CCDC30: variants seen among roughly 807,000 people sequenced by gnomAD.
The protein encoded by CCDC30 is coiled-coil domain-containing protein 30.
A neutral mutation model predicts 100.2 loss-of-function variants in CCDC30; 70 were observed. The observed-to-expected ratio is 0.70, with a 90% CI of 0.58 to 0.85. The LOEUF (loss-of-function observed/expected upper bound fraction) is 0.85, where lower values mean the gene tolerates loss of function less well. CCDC30 is among the 40% of genes least tolerant of loss of function. The pLI is 0.00. For missense variants in CCDC30, 652 were observed against 771.2 expected, an observed-to-expected ratio of 0.85 and a Z score of 1.83; for synonymous variants, 233 against 269.5, an observed-to-expected ratio of 0.86 and a Z score of 1.33.
intron 1 of CCDC30, among the ~76,000 whole-genome samples, chr1:42,477,824 A>G (rs995923713): frequency 4.6e-5 from 7 of 152,226 alleles, no homozygotes; most frequent in Non-Finnish European, 8.8e-5. Context: ...CAGGATGGGT[A>G]GGGTGACCAG....
chr1:42,476,145 C>T (rs1463549767), intron 1 of CCDC30, among the ~76,000 whole-genome samples: 1 of 152,050 alleles, frequency 6.6e-6, no homozygotes, highest in African/African-American at 2.4e-5. Context: ...ACTTCCCATC[C>T]TTAATCAGAA....
At chr1:42,513,278 C>T (rs1433797198) in intron 6 of CCDC30, among the ~76,000 whole-genome samples, 7 of 152,156 alleles carry the variant, frequency 4.6e-5, no homozygotes, top group Non-Finnish European at 8.8e-5. Flanking sequence ...TGACCTGCAG[C>T]AGACTGCAGC....
chr1:42,602,375 A>C (rs1025491669), intron 10 of CCDC30, among the ~76,000 whole-genome samples: 6 of 152,156 alleles, frequency 3.9e-5, no homozygotes, highest in Admixed American at 3.9e-4. Context: ...AGATTAATAA[A>C]ATTGATAGGC....
chr1:42,645,073 G>A (rs371840963), intron 14 of CCDC30, among the ~76,000 whole-genome samples: 11 of 152,086 alleles, frequency 7.2e-5, no homozygotes, highest in African/African-American at 1.4e-4. Flanking sequence ...TTAATACACT[G>A]TATTGTCATT....
intron 10 of CCDC30, among the ~76,000 whole-genome samples, chr1:42,608,547 A>C (rs1225933452): frequency 6.6e-6 from 1 of 151,876 alleles, no homozygotes; most frequent in African/African-American, 2.4e-5. Context: ...AAAAATACAA[A>C]AAAAAATTAG....
At chr1:42,581,571 G>A in intron 9 of CCDC30, 57 bp downstream of exon 13, 1 of 1,499,136 alleles carries the variant, frequency 6.7e-7, no homozygotes, top group East Asian at 2.3e-5. Flanking sequence ...GAGTTAATCA[G>A]CAATATCAAT....
chr1:42,646,409 A>C, intron 15 of CCDC30, 92 bp downstream of exon 19: 7 of 1,295,306 alleles, frequency 5.4e-6, no homozygotes, highest in South Asian at 2.8e-5. Flanking sequence ...TATGGTTTCT[A>C]CACTGGAAAA....
chr1:42,553,675 A>ACACACACACG (rs1553194037), intron 6 of CCDC30, among the ~76,000 whole-genome samples: 27 of 151,432 alleles, frequency 1.8e-4, no homozygotes, highest in African/African-American at 6.5e-4. Flanking sequence ...ACACACACAC[A>ACACACACACG]CACACACACA....
chr1:42,498,982 A>C (rs749540308), intron 6 of CCDC30, 66 bp downstream of exon 6: 6 of 784,868 alleles, frequency 7.6e-6, no homozygotes, highest in African/African-American at 5.4e-5. Flanking sequence ...TACAGAGTAT[A>C]CTAGAGTGAT....
At chr1:42,567,451 G>C (rs1163820812) in intron 7 of CCDC30, among the ~76,000 whole-genome samples, 10 of 152,102 alleles carry the variant, frequency 6.6e-5, no homozygotes, top group African/African-American at 9.7e-5. Flanking sequence ...GGATAAGAAA[G>C]GTCCCTACTT....
intron 6 of CCDC30, chr1:42,558,020 T>C: frequency 5.6e-6 from 1 of 177,152 alleles, no homozygotes; most frequent in Non-Finnish European, 1.2e-5. Context: ...TGCAGTAACT[T>C]TCTACCAGGA....
intron 13 of CCDC30, among the ~76,000 whole-genome samples, chr1:42,643,808 G>A (rs1647648546): frequency 1.3e-5 from 2 of 152,132 alleles, no homozygotes; most frequent in South Asian, 4.1e-4. Flanking sequence ...ATAAGTACAT[G>A]GCAAGTACTT....
At chr1:42,627,544 C>T (rs1646956002) in intron 11 of CCDC30, among the ~76,000 whole-genome samples, 2 of 152,164 alleles carry the variant, frequency 1.3e-5, no homozygotes, top group Admixed American at 6.5e-5. Context: ...TCACAGCAGA[C>T]CCTTCCATCA....
intron 10 of CCDC30, among the ~76,000 whole-genome samples, chr1:42,606,122 CACTT>C (rs966455157): frequency 1.3e-5 from 2 of 152,298 alleles, no homozygotes; most frequent in African/African-American, 4.8e-5. Flanking sequence ...CACACACAAA[CACTT>C]ACAGACCATA....
intron 1 of CCDC30, among the ~76,000 whole-genome samples, chr1:42,472,459 T>C (rs1240652449): frequency 6.6e-6 from 1 of 152,132 alleles, no homozygotes; most frequent in Admixed American, 6.5e-5. Flanking sequence ...TTATAAGACA[T>C]ATTCTGTGAG....
intron 10 of CCDC30, chr1:42,593,962 A>C (rs1646237438): frequency 6.6e-6 from 1 of 152,164 alleles, no homozygotes; most frequent in African/African-American, 2.4e-5. Context: ...GGTCATGTTG[A>C]GTTCTAGCAC....
At chr1:42,465,668 A>G (rs572959522) in intron 1 of CCDC30, among the ~76,000 whole-genome samples, 7 of 152,308 alleles carry the variant, frequency 4.6e-5, no homozygotes, top group Non-Finnish European at 8.8e-5. Flanking sequence ...CCCGACCTCT[A>G]GCACAGTTTT....
chr1:42,645,027 C>A (rs966030000), intron 14 of CCDC30, among the ~76,000 whole-genome samples: 7 of 152,162 alleles, frequency 4.6e-5, no homozygotes, highest in Admixed American at 4.6e-4. Context: ...CCTGTGTGAT[C>A]TCCAAGCAAT....
At chr1:42,589,597 A>G in intron 10 of CCDC30, 114 bp downstream of exon 14, 2 of 891,108 alleles carry the variant, frequency 2.2e-6, no homozygotes, top group South Asian at 3.4e-5. Flanking sequence ...GGGTTCAGTC[A>G]GGAAAGTAGA....
Sources: allele counts gnomAD v4.1 joint callset (sites outside exome capture counted in the v4.1 genomes callset), GRCh38; gene constraint gnomAD v4.1.1; transcripts MANE v1.5; gene names NCBI Gene and HGNC (gene_info 2026-07-23, HGNC 2026-07-21).